Variants in DNAI7 observed in about 807,000 individuals in gnomAD.
DNAI7 encodes the protein cancer susceptibility 1.
DNAI7 carries 78 observed loss-of-function variants against 86.6 expected under a neutral mutation model. That is an observed-to-expected ratio of 0.90 (90% CI 0.75 to 1.09). The LOEUF (loss-of-function observed/expected upper bound fraction) is 1.09. Ranked by LOEUF, DNAI7 falls within the 50% of genes least tolerant of loss-of-function variation. The pLI is 0.00. For synonymous variants in DNAI7, 274 were observed against 273.0 expected (o/e 1.00, Z -0.04); for missense variants, 753 against 810.2 (o/e 0.93, Z 0.86).
chr12:25,183,860 T>G (rs1244904605), intron 2 of DNAI7, among the ~76,000 whole-genome samples: 1 of 152,182 alleles, frequency 6.6e-6, no homozygotes, highest in Non-Finnish European at 1.5e-5. Context: ...TATCTTACTT[T>G]TGAGTGTTAT....
At chr12:25,150,233 G>A (rs1004695964) in intron 6 of DNAI7, among the ~76,000 whole-genome samples, 7 of 152,196 alleles carry the variant, frequency 4.6e-5, no homozygotes, top group African/African-American at 1.7e-4. Context: ...TTTGACCTCT[G>A]ATTGGGGAAA....
Position 25,110,141 on chromosome 12 carries a change from T to C in DNAI7, c.1879A>G (p.Lys627Glu). 1.3e-6 allele frequency: 2 copies of C among 1,587,428 alleles called. No individual in the cohort carries two copies. The change falls in exon 15 of 16, where the codon AAA becomes GAA. Residue 627 changes from lysine (K) to glutamate (E), a missense_variant. Transcript: ENST00000395987. ...ACATATCATACCTTAAATACGACTT[T>C]TGTAGAATTACATAGTAGGTTCCAC... The part of the protein sequence containing the change: ...SKWNLLCNST[K>E]VVFKVREHLT...
At chr12:25,191,429 G>A (rs1950508777) in intron 1 of DNAI7, among the ~76,000 whole-genome samples, 1 of 152,148 alleles carries the variant, frequency 6.6e-6, no homozygotes, top group African/African-American at 2.4e-5. Flanking sequence ...AGGCGGCTGG[G>A]TGTGGTGGCT....
At position 25,108,787 on chromosome 12, in the gene DNAI7, G is replaced by A. The variant is rs757461418; in HGVS notation, c.1930C>T (p.Pro644Ser). Residue 644 changes from proline (P) to serine (S), a missense_variant, in exon 16 of 16, where the codon CCT (proline) becomes TCT (serine). Pro to Ser is a moderately conservative substitution (Grantham distance 74, BLOSUM62 -1). Transcript: ENST00000395987. ...EHLTEACTENPNWALLMFSGD... is the reference protein window; with the variant it reads ...EHLTEACTENSNWALLMFSGD... ...CTAAACATTAAAAGGGCCCAATTAG[G>A]ATTCTCAGTACATGCTTCAGTAAGG... is the stretch of plus-strand genomic sequence containing the variant. 2.0e-5 allele frequency: 17 copies of A among 866,478 alleles called. No homozygotes were observed. The East Asian group carries it at 6.6e-4, about 33-fold the overall frequency. 53.7% of individuals were successfully genotyped at this position (866,478 alleles called of 1,614,324 possible). A position where few individuals can be genotyped will look rare whatever the true frequency, so the allele number is the denominator to read the frequency against.
chr12:25,168,787 G>A (rs944183724), intron 2 of DNAI7, among the ~76,000 whole-genome samples: 2 of 152,090 alleles, frequency 1.3e-5, no homozygotes, highest in African/African-American at 4.8e-5. Context: ...CCAATTCTTA[G>A]TCCTTTAATA....
chr12:25,123,578 T>C (rs1422951852), intron 9 of DNAI7, among the ~76,000 whole-genome samples: 1 of 152,172 alleles, frequency 6.6e-6, no homozygotes, highest in Non-Finnish European at 1.5e-5. Context: ...ATAAAAAATA[T>C]TATTTATATT....
intron 2 of DNAI7, among the ~76,000 whole-genome samples, chr12:25,164,878 A>G (rs936293644): frequency 1.5e-5 from 2 of 132,044 alleles, no homozygotes; most frequent in South Asian, 2.7e-4. Flanking sequence ...TCATTTTATC[A>G]CCTCCCCTCC....
At position 25,114,956 on chromosome 12, in the gene DNAI7, G is replaced by A; in HGVS notation, c.1397-86C>T. On this transcript the variant is annotated intron_variant, in intron 12 of 15. Transcript: ENST00000395987. ...ATGAAAGCACCAAAAAAATTGCTTT[G>A]TGTATAAATTGATCTTTCATATTTA... 5.0e-6 allele frequency: 5 copies of A among 999,884 alleles called. No individual in the cohort carries two copies. The South Asian group carries it at 8.0e-5, about 16-fold the overall frequency. 61.9% of individuals were successfully genotyped at this position (999,884 alleles called of 1,614,324 possible). A position where few individuals can be genotyped will look rare whatever the true frequency, so the allele number is the denominator to read the frequency against.
At chr12:25,129,473 C>G (rs1050021059) in intron 9 of DNAI7, among the ~76,000 whole-genome samples, 3 of 152,184 alleles carry the variant, frequency 2.0e-5, no homozygotes, top group African/African-American at 7.2e-5. Context: ...GCACTGAAAA[C>G]ATACATTTGT....
intron 12 of DNAI7, 120 bp downstream of exon 12, chr12:25,119,025 C>A: frequency 1.3e-6 from 1 of 782,028 alleles, no homozygotes; most frequent in African/African-American, 1.8e-5. Context: ...AAACAAGACC[C>A]TTGAATTGGC....
chr12:25,171,660 C>A (rs896649474), intron 2 of DNAI7, among the ~76,000 whole-genome samples: 16 of 152,080 alleles, frequency 1.1e-4, no homozygotes, highest in African/African-American at 3.9e-4. Flanking sequence ...CAGGAAAGGA[C>A]ATAACCAAAA....
intron 2 of DNAI7, among the ~76,000 whole-genome samples, chr12:25,177,090 G>A (rs765493457): frequency 4.6e-5 from 7 of 151,490 alleles, no homozygotes; most frequent in Non-Finnish European, 8.8e-5. Flanking sequence ...TTTAGTAGAG[G>A]TGGGGTTTCT....
intron 2 of DNAI7, among the ~76,000 whole-genome samples, chr12:25,163,596 T>C (rs1592544816): frequency 2.0e-5 from 3 of 152,326 alleles, no homozygotes; most frequent in Admixed American, 2.0e-4. Context: ...AAAGCCTGTT[T>C]GGTGGTCTCT....
rs145035177 is a variant in DNAI7 at position 25,111,223 on chromosome 12, G to A, written c.1779+549C>T. 8.1e-4 allele frequency among the ~76,000 whole-genome samples: 123 copies of A among 152,304 alleles called. No individual in the cohort carries two copies. In the East Asian group the frequency reaches 0.021, roughly 26 times the overall value. On this transcript the variant is annotated intron_variant, in intron 14 of 15. Transcript: ENST00000395987. ...AGCATCTACTATATTCTAGGACTATGCTAGATGCTAGAAGAATCAATGTTC... is the reference window on the plus strand; with the variant it reads ...AGCATCTACTATATTCTAGGACTATACTAGATGCTAGAAGAATCAATGTTC...
At chr12:25,110,015 A>C in intron 15 of DNAI7, 112 bp downstream of exon 15, 1 of 632,820 alleles carries the variant, frequency 1.6e-6, no homozygotes, top group South Asian at 2.0e-5. Flanking sequence ...TTGAATGTTA[A>C]TTTTTTTAAC....
At chr12:25,185,738 C>A (rs908711633) in intron 2 of DNAI7, 1 of 978,762 alleles carries the variant, frequency 1.0e-6, no homozygotes, top group Non-Finnish European at 1.2e-6. Context: ...TCCATGAAAA[C>A]CAGGACTCAC....
chr12:25,116,084 C>CTTT (rs35310438), intron 12 of DNAI7, among the ~76,000 whole-genome samples: 18 of 138,104 alleles, frequency 1.3e-4, no homozygotes, highest in African/African-American at 3.8e-4. Flanking sequence ...GTATTTCTTT[C>CTTT]TTTTTTTTTT....
chr12:25,174,635 C>G (rs1336541981), intron 2 of DNAI7, among the ~76,000 whole-genome samples: 6 of 78,348 alleles, frequency 7.7e-5, no homozygotes, highest in East Asian at 2.6e-4. Context: ...GGATATATAT[C>G]ATATATATGG....
rs745970999 is a variant in DNAI7 at position 25,161,125 on chromosome 12, G to A, written c.94C>T (p.Leu32=). Residue 32 remains leucine, a synonymous_variant, in exon 3 of 16, where the codon CTG becomes TTG. Transcript: ENST00000395987. ...KLLQEEEERR[L]KEEEEARLKY... is the part of the protein sequence containing the mutation. ...ATTTATTTTGTACCTTCCTCTTTCA[G>A]TCGTCTCTCCTCCTCCTCTTGTAGC... 1 of 1,613,082 alleles carries A rather than the reference G, an allele frequency of 6.2e-7. No homozygotes were observed. Among genetic ancestry groups the A allele is most frequent in the South Asian group, 1.1e-5 (1 of 91,046 alleles).
Sources: allele counts gnomAD v4.1 joint callset (sites outside exome capture counted in the v4.1 genomes callset), GRCh38; gene constraint gnomAD v4.1.1; transcripts MANE v1.5; gene names NCBI Gene and HGNC (gene_info 2026-07-23, HGNC 2026-07-21).